Variants in PRKG1 observed in about 807,000 individuals in gnomAD.
PRKG1 encodes the protein protein kinase cGMP-dependent 1.
In PRKG1, 35 loss-of-function variants were observed where a neutral mutation model predicts 88.1. The observed-to-expected ratio is 0.40, with a 90% CI of 0.30 to 0.53. The LOEUF (loss-of-function observed/expected upper bound fraction) is 0.53, where lower values mean the gene tolerates loss of function less well. Ranked by LOEUF, PRKG1 falls within the 20% of genes least tolerant of loss-of-function variation. The pLI, the probability that PRKG1 is intolerant of heterozygous loss-of-function variation, is 0.59. For missense variants in PRKG1, 540 were observed against 839.8 expected (o/e 0.64, Z 4.41); for synonymous variants, 303 against 292.5 (o/e 1.04, Z -0.37).
intron 5 of PRKG1, among the ~76,000 whole-genome samples, chr10:52,044,612 T>C (rs569215178): frequency 4.8e-4 from 73 of 152,302 alleles, no homozygotes; most frequent in African/African-American, 1.7e-3. Flanking sequence ...GTTTTACACT[T>C]GGGTCTAGTA....
At chr10:51,681,717 ATTTTC>A (rs996362107) in intron 3 of PRKG1, among the ~76,000 whole-genome samples, 2 of 152,090 alleles carry the variant, frequency 1.3e-5, no homozygotes, top group African/African-American at 2.4e-5. Flanking sequence ...TTGTAGGACT[ATTTTC>A]TTTAAGTAAG....
intron 3 of PRKG1, among the ~76,000 whole-genome samples, chr10:51,640,686 T>C (rs1012703901): frequency 1.3e-5 from 2 of 152,218 alleles, no homozygotes; most frequent in African/African-American, 2.4e-5. Context: ...GATTTGAATT[T>C]TTTTTAAGTT....
intron 1 of PRKG1, among the ~76,000 whole-genome samples, chr10:51,111,946 C>T (rs1844989739): frequency 6.6e-6 from 1 of 152,132 alleles, no homozygotes; most frequent in Non-Finnish European, 1.5e-5. Flanking sequence ...TTGCCATGCT[C>T]TTGCCATGCT....
In PRKG1 at chr10:52,259,953, G is replaced by A. The variant is rs546065164; in HGVS notation, c.1173+8287G>A. Among the ~76,000 whole-genome samples, 12 of 152,142 alleles carry A rather than the reference G, an allele frequency of 7.9e-5. No homozygotes were observed. In the South Asian group the frequency reaches 1.0e-3, roughly 13 times the overall value. ...AAGATAAATGTGAAATACAAGAATC[G>A]TATGGGGGAAGAAGTTATCTTTTTC... On this transcript the variant is annotated intron_variant, in intron 10 of 17. Coordinates refer to ENST00000373980, the MANE Select transcript of PRKG1 (RefSeq NM_006258.4).
At chr10:51,742,612 G>T (rs1837463810) in intron 3 of PRKG1, among the ~76,000 whole-genome samples, 1 of 152,136 alleles carries the variant, frequency 6.6e-6, no homozygotes, top group Non-Finnish European at 1.5e-5. Flanking sequence ...TGCAAGAAAA[G>T]GTAATGTGGA....
chr10:52,293,000 A>T (rs899710671), intron 17 of PRKG1, among the ~76,000 whole-genome samples: 2 of 152,176 alleles, frequency 1.3e-5, no homozygotes, highest in Non-Finnish European at 2.9e-5. Flanking sequence ...ATGATTATAT[A>T]TACAGAAAAC....
chr10:51,101,993 G>A (rs1450198800), intron 1 of PRKG1, among the ~76,000 whole-genome samples: 3 of 152,178 alleles, frequency 2.0e-5, no homozygotes, highest in Non-Finnish European at 2.9e-5. Context: ...TAACAACTAG[G>A]TCTCAAAATA....
intron 10 of PRKG1, among the ~76,000 whole-genome samples, chr10:52,260,149 C>T (rs1841399756): frequency 6.6e-6 from 1 of 151,846 alleles, no homozygotes; most frequent in African/African-American, 2.4e-5. Context: ...AGCACTTTTT[C>T]AGTATTTTAA....
chr10:51,970,686 G>GATATATATATATCAGATATATCATCTGAT (rs10627948), intron 5 of PRKG1, among the ~76,000 whole-genome samples: 4 of 139,766 alleles, frequency 2.9e-5, no homozygotes, highest in East Asian at 2.2e-4. Flanking sequence ...TTAATCATCT[G>GATATATATATATCAGATATATCATCTGAT]ATATATATAT....
intron 8 of PRKG1, among the ~76,000 whole-genome samples, chr10:52,156,804 G>A (rs10740429): frequency 0.7 from 106,315 of 151,610 alleles, 38,812 homozygotes; most frequent in South Asian, 0.83. Context: ...TAAGTAAAAC[G>A]TCTCAACTAC....
intron 3 of PRKG1, among the ~76,000 whole-genome samples, chr10:51,577,462 T>C (rs2132178897): frequency 6.6e-6 from 1 of 152,146 alleles, no homozygotes; most frequent in South Asian, 2.1e-4. Context: ...CATTTCCTTT[T>C]TGCATGTATG....
intron 2 of PRKG1, chr10:51,245,397 T>C (rs1273967191): frequency 6.6e-6 from 1 of 152,066 alleles, no homozygotes; most frequent in African/African-American, 2.4e-5. Context: ...CCTGGCACTA[T>C]TTTTATAAAT....
At chr10:51,361,251 C>T (rs1448901825) in intron 2 of PRKG1, among the ~76,000 whole-genome samples, 1 of 151,880 alleles carries the variant, frequency 6.6e-6, no homozygotes, top group African/African-American at 2.4e-5. Flanking sequence ...TTATTTAGCC[C>T]ATGCTACATG....
At chr10:51,253,203 G>A (rs902420533) in intron 2 of PRKG1, among the ~76,000 whole-genome samples, 2 of 151,842 alleles carry the variant, frequency 1.3e-5, no homozygotes, top group African/African-American at 4.8e-5. Flanking sequence ...TATTGCTAAT[G>A]AAGATAAAAA....
chr10:52,134,650 C>A (rs1158842760), intron 8 of PRKG1, among the ~76,000 whole-genome samples: 2 of 151,944 alleles, frequency 1.3e-5, no homozygotes, highest in African/African-American at 4.8e-5. Flanking sequence ...AGTACATGAC[C>A]CAAGAATAAC....
At chr10:51,987,514 G>A (rs1233616133) in intron 5 of PRKG1, among the ~76,000 whole-genome samples, 1 of 148,674 alleles carries the variant, frequency 6.7e-6, no homozygotes, top group Non-Finnish European at 1.5e-5. Context: ...CTATACTCTG[G>A]TCCAAATGTT....
At chr10:51,055,293 G>T (rs1843613112) in intron 1 of PRKG1, among the ~76,000 whole-genome samples, 1 of 151,954 alleles carries the variant, frequency 6.6e-6, no homozygotes, top group Non-Finnish European at 1.5e-5. Context: ...AGAGTTAGAG[G>T]AATTGGAGTG....
At chr10:51,280,509 A>G (rs998470437) in intron 2 of PRKG1, among the ~76,000 whole-genome samples, 7 of 152,276 alleles carry the variant, frequency 4.6e-5, no homozygotes, top group African/African-American at 1.2e-4. Context: ...AGGTACACCA[A>G]TCAGATGTAG....
intron 5 of PRKG1, among the ~76,000 whole-genome samples, chr10:52,001,975 C>CT (rs1844611963): frequency 6.6e-6 from 1 of 151,768 alleles, no homozygotes; most frequent in African/African-American, 2.4e-5. Context: ...GAACAGCAAC[C>CT]ATGAAATAAG....
Sources: allele counts gnomAD v4.1 joint callset (sites outside exome capture counted in the v4.1 genomes callset), GRCh38; gene constraint gnomAD v4.1.1; transcripts MANE v1.5; gene names NCBI Gene and HGNC (gene_info 2026-07-23, HGNC 2026-07-21).